Variants in KCNQ3 observed in about 807,000 individuals in gnomAD.
KCNQ3 encodes the protein potassium voltage-gated channel subfamily KQT member 3.
A neutral mutation model predicts 92.5 loss-of-function variants in KCNQ3; 30 were observed. The ratio of observed to expected loss-of-function variants is 0.32; its 90% CI spans 0.24 to 0.44. The LOEUF (loss-of-function observed/expected upper bound fraction) is 0.44, where lower values mean the gene tolerates loss of function less well. Among genes scored for constraint, KCNQ3 ranks in the 20% least tolerant of loss-of-function variants. The pLI is 1.00. For synonymous variants in KCNQ3, 450 were observed against 468.8 expected, an observed-to-expected ratio of 0.96 and a Z score of 0.52; for missense variants, 913 against 1,140.3, an observed-to-expected ratio of 0.80 and a Z score of 2.87.
chr8:132,394,395 T>A (rs1449341870), intron 1 of KCNQ3, among the ~76,000 whole-genome samples: 2 of 152,176 alleles, frequency 1.3e-5, no homozygotes, highest in Non-Finnish European at 1.5e-5. Flanking sequence ...CCTGGGAACA[T>A]GACTCAGTTT....
intron 1 of KCNQ3, among the ~76,000 whole-genome samples, chr8:132,212,012 A>G (rs1294569888): frequency 6.6e-6 from 1 of 152,028 alleles, no homozygotes; most frequent in Non-Finnish European, 1.5e-5. Context: ...GCCACGGCTA[A>G]TAATTGGTAG....
At chr8:132,294,252 C>T (rs142509949) in intron 1 of KCNQ3, among the ~76,000 whole-genome samples, 1,708 of 152,208 alleles carry the variant, frequency 0.011, 40 homozygotes, top group African/African-American at 0.039. Flanking sequence ...CCACCGGCCT[C>T]GGCCTCCCAA....
chr8:132,125,195 G>T lies in KCNQ3; in HGVS notation c.*4067C>A, dbSNP rs1304066117. The T allele has an allele frequency of 6.6e-6, 1 of 152,172 alleles. No homozygotes were observed. Among genetic ancestry groups the T allele is most frequent in the African/African-American group, 2.4e-5 (1 of 41,430 alleles). The allele number at this position is 152,172 out of a possible 1,614,324, so 9.4% of individuals were successfully genotyped here. A position where few individuals can be genotyped will look rare whatever the true frequency, so the allele number is the denominator to read the frequency against. ...TGCACAGCTTCTCTGGAGCTATGAAGTTCAAAGCATTGAATCCAAACTCGA... is the reference window on the plus strand; with the variant it reads ...TGCACAGCTTCTCTGGAGCTATGAATTTCAAAGCATTGAATCCAAACTCGA... On this transcript the variant is annotated 3_prime_UTR_variant, in exon 15 of 15. Transcript: ENST00000388996.
chr8:132,156,386 T>C (rs761266687), intron 9 of KCNQ3, among the ~76,000 whole-genome samples: 1 of 152,066 alleles, frequency 6.6e-6, no homozygotes, highest in Non-Finnish European at 1.5e-5. Flanking sequence ...TGAAGTCTAG[T>C]AGTCTGACTC....
chr8:132,391,615 A>G (rs984570947), intron 1 of KCNQ3, among the ~76,000 whole-genome samples: 3 of 152,326 alleles, frequency 2.0e-5, no homozygotes, highest in Middle Eastern at 3.4e-3. Context: ...ACAGTGCTCA[A>G]TGAGGGAAAA....
chr8:132,279,546 T>C (rs1464434112), intron 1 of KCNQ3, among the ~76,000 whole-genome samples: 2 of 152,196 alleles, frequency 1.3e-5, no homozygotes, highest in Non-Finnish European at 2.9e-5. Flanking sequence ...GGACTCTACT[T>C]GCAGGTTGAG....
At position 132,313,780 on chromosome 8, in the gene KCNQ3, G is replaced by C. The variant is rs529192071; in HGVS notation, c.387-127599C>G. ...ACCAGAAATAAGAGTTCTGGCTTTT[G>C]CAAAAGCAAAGAAAAATATATCATT... On this transcript the variant is annotated intron_variant, in intron 1 of 14. Transcript: ENST00000388996. 2.0e-5 allele frequency among the ~76,000 whole-genome samples: 3 copies of C among 152,182 alleles called. No individual in the cohort carries two copies. The South Asian group carries it at 6.2e-4, about 32-fold the overall frequency.
At chr8:132,189,619 G>T (rs967949537) in intron 1 of KCNQ3, among the ~76,000 whole-genome samples, 2 of 152,086 alleles carry the variant, frequency 1.3e-5, no homozygotes, top group African/African-American at 2.4e-5. Flanking sequence ...CTGAGGTCGG[G>T]AGTTCGAGTC....
chr8:132,382,100 T>C (rs1371414955), intron 1 of KCNQ3, among the ~76,000 whole-genome samples: 1 of 152,270 alleles, frequency 6.6e-6, no homozygotes, highest in African/African-American at 2.4e-5. Context: ...CATACTGTAA[T>C]ACAGTTTTAA....
intron 13 of KCNQ3, 53 bp downstream of exon 13, chr8:132,134,237 T>A (rs1374769709): frequency 7.4e-7 from 1 of 1,342,638 alleles, no homozygotes; most frequent in Non-Finnish European, 1.1e-6. Flanking sequence ...GGGGTGGGGA[T>A]GCTTTACAAA....
chr8:132,224,501 C>T (rs148675748), intron 1 of KCNQ3, among the ~76,000 whole-genome samples: 1 of 152,168 alleles, frequency 6.6e-6, no homozygotes, highest in African/African-American at 2.4e-5. Context: ...CACTGGTCAC[C>T]CTACTGATTG....
rs1322503474 is a variant in KCNQ3 at position 132,122,400 on chromosome 8, A to G, written c.*6862T>C. 6.6e-6 allele frequency: 1 copy of G among 152,178 alleles called. No homozygotes were observed. The highest frequency in any genetic ancestry group is 1.5e-5 in the Non-Finnish European group (1 of 68,026). 9.4% of individuals were successfully genotyped at this position (152,178 alleles called of 1,614,324 possible). A position where few individuals can be genotyped will look rare whatever the true frequency, so the allele number is the denominator to read the frequency against. ...AACATAAAATATGGTCTCATTTTTT[A>G]TTACTCTTAGGTATCAAATTGCAGT... On this transcript the variant is annotated 3_prime_UTR_variant, in exon 15 of 15. Transcript: ENST00000388996.
chr8:132,444,310 T>C (rs1821617662), intron 1 of KCNQ3, among the ~76,000 whole-genome samples: 1 of 152,180 alleles, frequency 6.6e-6, no homozygotes, highest in Non-Finnish European at 1.5e-5. Context: ...TTCCTGGCAT[T>C]AAGCTCTGTT....
intron 1 of KCNQ3, among the ~76,000 whole-genome samples, chr8:132,267,879 A>G (rs1816038609): frequency 6.6e-6 from 1 of 152,158 alleles, no homozygotes; most frequent in South Asian, 2.1e-4. Context: ...CCCATTCTCA[A>G]TATCCTCAAC....
At chr8:132,331,478 G>C (rs997568160) in intron 1 of KCNQ3, among the ~76,000 whole-genome samples, 1 of 152,124 alleles carries the variant, frequency 6.6e-6, no homozygotes, top group Non-Finnish European at 1.5e-5. Flanking sequence ...GGCATCCCAT[G>C]GTTAACATCT....
At chr8:132,435,627 G>A (rs1821373292) in intron 1 of KCNQ3, among the ~76,000 whole-genome samples, 1 of 152,178 alleles carries the variant, frequency 6.6e-6, no homozygotes, top group Non-Finnish European at 1.5e-5. Context: ...AGACCGAGTA[G>A]TGAACAGGAG....
At chr8:132,410,497 A>G (rs1191382794) in intron 1 of KCNQ3, among the ~76,000 whole-genome samples, 1 of 152,226 alleles carries the variant, frequency 6.6e-6, no homozygotes, top group African/African-American at 2.4e-5. Flanking sequence ...TTGGAGCTCA[A>G]TTATGAGTGG....
chr8:132,157,345 A>G lies in KCNQ3; in HGVS notation c.1262+6123T>C, dbSNP rs149477245. On this transcript the variant is annotated intron_variant, in intron 9 of 14. Coordinates refer to ENST00000388996, the MANE Select transcript of KCNQ3 (RefSeq NM_004519.4). ...GAAGTCATAAAAATGCAATGTCAATACTTTCAGAAGAATTTGGAAGAAGCT... is the reference window on the plus strand; with the variant it reads ...GAAGTCATAAAAATGCAATGTCAATGCTTTCAGAAGAATTTGGAAGAAGCT... 4.8e-3 allele frequency among the ~76,000 whole-genome samples: 724 copies of G among 152,334 alleles called. 4 individuals are homozygous for G. The highest frequency in any genetic ancestry group is 0.017 in the African/African-American group (702 of 41,580).
intron 1 of KCNQ3, among the ~76,000 whole-genome samples, chr8:132,391,680 A>T (rs1382261868): frequency 6.6e-6 from 1 of 152,170 alleles, no homozygotes; most frequent in African/African-American, 2.4e-5. Context: ...GAGAGAAAAC[A>T]TCTTCCCCCT....
Sources: allele counts gnomAD v4.1 joint callset (sites outside exome capture counted in the v4.1 genomes callset), GRCh38; gene constraint gnomAD v4.1.1; transcripts MANE v1.5; gene names NCBI Gene and HGNC (gene_info 2026-07-23, HGNC 2026-07-21).